The following EZH2 variants were observed in gnomAD, a reference collection of about 807,000 sequenced individuals.
EZH2 encodes enhancer of zeste 2 polycomb repressive complex 2 subunit, also known as histone-lysine N-methyltransferase EZH2.
In EZH2, 18 loss-of-function variants were observed where a neutral mutation model predicts 98.4. That is an observed-to-expected ratio of 0.18 (90% CI 0.13 to 0.27). The LOEUF (loss-of-function observed/expected upper bound fraction) is 0.27. Among genes scored for constraint, EZH2 ranks in the 10% least tolerant of loss-of-function variants. EZH2 has a pLI of 1.00. For synonymous variants in EZH2, 338 were observed against 312.3 expected, an observed-to-expected ratio of 1.08 and a Z score of -0.87; for missense variants, 470 against 935.1, an observed-to-expected ratio of 0.50 and a Z score of 6.49.
chr7:148,810,788 C>G (rs559570823), intron 16 of EZH2, among the ~76,000 whole-genome samples: 1 of 151,028 alleles, frequency 6.6e-6, no homozygotes, highest in Non-Finnish European at 1.5e-5. Flanking sequence ...CCCAGCTACT[C>G]GGGACACTGA....
In EZH2 at chr7:148,816,740, A is replaced by G; in HGVS notation, c.1449T>C (p.Ala483=). ...TATCCACATCCTCAGCGGGAGCTGG[A>G]GCTATGATGCTAGATTCTTTGACTC... is the stretch of plus-strand genomic sequence containing the variant. ...EFRVKESSII[A]PAPAEDVDTP... is the part of the protein sequence containing the mutation. The change falls in exon 12 of 20, where the codon GCT becomes GCC. Residue 483 remains alanine, a synonymous_variant. Transcript: ENST00000320356. The G allele has an allele frequency of 6.2e-7, 1 of 1,614,110 alleles. No individual in the cohort carries two copies. Among genetic ancestry groups the G allele is most frequent in the Non-Finnish European group, 8.5e-7 (1 of 1,179,966 alleles).
intron 3 of EZH2, among the ~76,000 whole-genome samples, chr7:148,837,682 G>A (rs571523559): frequency 6.6e-6 from 1 of 152,302 alleles, no homozygotes; most frequent in South Asian, 2.1e-4. Context: ...CAAAATAGGA[G>A]AAGGGAGATT....
At chr7:148,881,972 GCACACACACA>G (rs3059438) in intron 1 of EZH2, among the ~76,000 whole-genome samples, 35 of 131,850 alleles carry the variant, frequency 2.7e-4, no homozygotes, top group African/African-American at 2.9e-4. Flanking sequence ...ACACGCGCGC[GCACACACACA>G]CACACACACA....
chr7:148,883,850 C>G (rs577332455), intron 1 of EZH2, among the ~76,000 whole-genome samples: 1 of 151,974 alleles, frequency 6.6e-6, no homozygotes, highest in East Asian at 2.0e-4. Context: ...GACCCCGGCC[C>G]CGGCGCCCCG....
chr7:148,863,354 G>C (rs1451890116), intron 1 of EZH2, among the ~76,000 whole-genome samples: 2 of 152,114 alleles, frequency 1.3e-5, no homozygotes, highest in Non-Finnish European at 2.9e-5. Flanking sequence ...ATTTAATGAA[G>C]GGTACTTTAT....
chr7:148,830,413 C>CA (rs1166099692), intron 4 of EZH2, among the ~76,000 whole-genome samples: 3 of 151,794 alleles, frequency 2.0e-5, no homozygotes, highest in Admixed American at 6.6e-5. Context: ...AGACCCATAC[C>CA]AAAAAACTAC....
chr7:148,851,818 C>T (rs938965563), intron 1 of EZH2, among the ~76,000 whole-genome samples: 8 of 152,202 alleles, frequency 5.3e-5, no homozygotes, highest in Non-Finnish European at 7.3e-5. Flanking sequence ...CTGCAGTGAA[C>T]TGTCTTCACA....
intron 3 of EZH2, among the ~76,000 whole-genome samples, chr7:148,834,352 T>TATATATATATACACAC (rs1321608007): frequency 6.4e-4 from 92 of 143,406 alleles, no homozygotes; most frequent in African/African-American, 2.3e-3. Context: ...TATATATATA[T>TATATATATATACACAC]ACACACACAC....
intron 2 of EZH2, among the ~76,000 whole-genome samples, chr7:148,846,939 T>C (rs1399323562): frequency 1.3e-5 from 2 of 151,782 alleles, no homozygotes; most frequent in Non-Finnish European, 2.9e-5. Context: ...AATGCATCCC[T>C]TTATATTTAG....
chr7:148,842,994 G>C (rs1812867746), intron 3 of EZH2, among the ~76,000 whole-genome samples: 1 of 152,024 alleles, frequency 6.6e-6, no homozygotes, highest in Admixed American at 6.6e-5. Context: ...GATCACCTGA[G>C]GTCAGGAGTT....
At chr7:148,876,209 C>A (rs1820142488) in intron 1 of EZH2, 1 of 151,980 alleles carries the variant, frequency 6.6e-6, no homozygotes, top group African/African-American at 2.4e-5. Flanking sequence ...ATTGCTTGAA[C>A]CCAGGAGGCG....
rs1468342429 is a variant in EZH2, at chr7:148,846,530, C to T, written c.186G>A (p.Gln62=). 6 of 1,613,718 alleles carry T rather than the reference C, an allele frequency of 3.7e-6. No homozygotes were observed. Among genetic ancestry groups the T allele is most frequent in the South Asian group, 2.2e-5 (2 of 91,082 alleles). The change falls in exon 3 of 20, where the codon CAG becomes CAA. Residue 62 remains glutamine, a synonymous_variant. Coordinates refer to ENST00000320356, the MANE Select transcript of EZH2 (RefSeq NM_004456.5). ...GGATGTGCACAGGCTGTATCCTTCG[C>T]TGTTTCCATTCTTGGTTTAAGATTT... ...RTEILNQEWK[Q]RRIQPVHILT...
intron 3 of EZH2, among the ~76,000 whole-genome samples, chr7:148,835,938 G>T (rs1439527603): frequency 6.6e-6 from 1 of 152,176 alleles, no homozygotes; most frequent in Non-Finnish European, 1.5e-5. Flanking sequence ...TTAACAGAAA[G>T]AACTTATGGA....
Position 148,873,056 on chromosome 7 carries a change from G to A in EZH2, c.-8+11108C>T, listed in dbSNP as rs1019589672. On this transcript the variant is annotated intron_variant, in intron 1 of 19. Coordinates refer to ENST00000320356, the MANE Select transcript of EZH2 (RefSeq NM_004456.5). Reference sequence around the variant, plus strand: ...AAATTAGCCAGACATCGTGTCTCACGTCTATAGTCCTAGCTACTTGGGAGG... The same window carrying A: ...AAATTAGCCAGACATCGTGTCTCACATCTATAGTCCTAGCTACTTGGGAGG... 1.1e-4 allele frequency among the ~76,000 whole-genome samples: 17 copies of A among 152,158 alleles called. No homozygotes were observed. The South Asian group carries it at 3.3e-3, about 30-fold the overall frequency.
chr7:148,837,034 C>G (rs1225349906), intron 3 of EZH2: 1 of 486,934 alleles, frequency 2.1e-6, no homozygotes, highest in East Asian at 4.9e-5. Context: ...ACACACCCTA[C>G]TATGTGCCAA....
At chr7:148,809,251 C>G in intron 18 of EZH2, 59 bp downstream of exon 18, 3 of 1,583,064 alleles carry the variant, frequency 1.9e-6, no homozygotes, top group Non-Finnish European at 2.6e-6. Flanking sequence ...CAGAAGTATT[C>G]AAGTCCATCA....
intron 1 of EZH2, among the ~76,000 whole-genome samples, chr7:148,877,265 TG>T (rs1820302114): frequency 6.6e-6 from 1 of 152,200 alleles, no homozygotes; most frequent in South Asian, 2.1e-4. Context: ...ATTTTATAAA[TG>T]TCTACATTGT....
rs543012277 is a variant in EZH2 at position 148,859,207 on chromosome 7, AAC to A, written c.-7-11904_-7-11903del. Among the ~76,000 whole-genome samples the A allele has an allele frequency of 1.2e-3, 177 of 152,316 alleles. 1 individual carries two copies. Among genetic ancestry groups the A allele is most frequent in the South Asian group, 2.9e-3 (14 of 4,826 alleles). ...ACAGCTTAAAATCTAGTTGGACAGA[AAC>A]AGTTAAAAACAAAGTGTCAGGTGCA... On this transcript the variant is annotated intron_variant, in intron 1 of 19. Transcript: ENST00000320356.
At chr7:148,861,920 AAT>A (rs1444540968) in intron 1 of EZH2, among the ~76,000 whole-genome samples, 1 of 152,182 alleles carries the variant, frequency 6.6e-6, no homozygotes, top group East Asian at 1.9e-4. Context: ...AATCTGTTCC[AAT>A]ATGTTGTTTT....
Sources: allele counts gnomAD v4.1 joint callset (sites outside exome capture counted in the v4.1 genomes callset), GRCh38; gene constraint gnomAD v4.1.1; transcripts MANE v1.5; gene names NCBI Gene and HGNC (gene_info 2026-07-23, HGNC 2026-07-21).